CNTNAP5: variants seen among roughly 807,000 people sequenced by gnomAD.
The protein encoded by CNTNAP5 is contactin-associated protein-like 5.
CNTNAP5 carries 72 observed loss-of-function variants against 150.2 expected under a neutral mutation model. The ratio of observed to expected loss-of-function variants is 0.48; its 90% CI spans 0.40 to 0.58. The LOEUF (loss-of-function observed/expected upper bound fraction) is 0.58. Among genes scored for constraint, CNTNAP5 ranks in the 20% least tolerant of loss-of-function variants. The pLI, the probability that CNTNAP5 is intolerant of heterozygous loss-of-function variation, is 0.00. For missense variants in CNTNAP5, 1,636 were observed against 1,626.2 expected (o/e 1.01, Z -0.10); for synonymous variants, 672 against 619.8 (o/e 1.08, Z -1.25).
At chr2:124,161,565 AT>A (rs1417805013) in intron 1 of CNTNAP5, among the ~76,000 whole-genome samples, 1 of 152,198 alleles carries the variant, frequency 6.6e-6, no homozygotes, top group African/African-American at 2.4e-5. Context: ...TTCAAAATGT[AT>A]TAAGTATGTG....
intron 3 of CNTNAP5, among the ~76,000 whole-genome samples, chr2:124,379,626 G>GT (rs910922857): frequency 1.3e-5 from 2 of 152,100 alleles, no homozygotes; most frequent in Non-Finnish European, 2.9e-5. Context: ...CTGTGTGCAA[G>GT]TTTTTTGTGT....
chr2:124,417,201 G>C (rs1472197454), intron 3 of CNTNAP5, among the ~76,000 whole-genome samples: 2 of 151,994 alleles, frequency 1.3e-5, no homozygotes, highest in African/African-American at 4.8e-5. Context: ...GCCTCCCAAA[G>C]TGCTGGGATT....
chr2:124,163,701 A>G (rs1278718662), intron 1 of CNTNAP5, among the ~76,000 whole-genome samples: 2 of 152,124 alleles, frequency 1.3e-5, no homozygotes, highest in African/African-American at 2.4e-5. Flanking sequence ...GACAGCCCTT[A>G]AGATTATATG....
chr2:124,554,174 C>A (rs757736704), intron 10 of CNTNAP5, among the ~76,000 whole-genome samples: 16 of 151,750 alleles, frequency 1.1e-4, no homozygotes, highest in Admixed American at 3.3e-4. Flanking sequence ...GTCTAAGGGA[C>A]CTTTGGAAAT....
chr2:124,723,039 A>G (rs2105118222), intron 13 of CNTNAP5, among the ~76,000 whole-genome samples: 1 of 152,268 alleles, frequency 6.6e-6, no homozygotes, highest in Middle Eastern at 3.4e-3. Context: ...TTTTCCAGCC[A>G]TACTTACTGT....
rs549300992 is a variant in CNTNAP5 at position 124,237,116 on chromosome 2, C to T, written c.188-5084C>T. Among the ~76,000 whole-genome samples, 18 of 151,942 alleles carry T rather than the reference C, an allele frequency of 1.2e-4. No individual in the cohort carries two copies. In the South Asian group the frequency reaches 2.3e-3, roughly 19 times the overall value. ...TGCACTCCAGCCTGGGTGACAGGAG[C>T]GAGACTCTGTCAAAAGAAAAAAGAA... On this transcript the variant is annotated intron_variant, in intron 2 of 23. Transcript: ENST00000682447.
At chr2:124,797,255 TC>T (rs1214948353) in intron 18 of CNTNAP5, among the ~76,000 whole-genome samples, 1 of 152,184 alleles carries the variant, frequency 6.6e-6, no homozygotes, top group Non-Finnish European at 1.5e-5. Flanking sequence ...CAGTGCTAGT[TC>T]CACTACACTA....
intron 11 of CNTNAP5, among the ~76,000 whole-genome samples, chr2:124,579,269 C>G (rs1696359420): frequency 6.6e-6 from 1 of 152,110 alleles, no homozygotes; most frequent in African/African-American, 2.4e-5. Context: ...ATGATAGGCT[C>G]TATAGTAGAT....
At position 124,816,295 on chromosome 2, in the gene CNTNAP5, T is replaced by G. The variant is rs533459155; in HGVS notation, c.3217+17975T>G. ...TCAAGGTATCAGCTGGGATGTGGTCTCATCAGAGGCTCCCCTGGGAAAAGT... is the reference window on the plus strand; with the variant it reads ...TCAAGGTATCAGCTGGGATGTGGTCGCATCAGAGGCTCCCCTGGGAAAAGT... On this transcript the variant is annotated intron_variant, in intron 19 of 23. Coordinates refer to ENST00000682447, the MANE Select transcript of CNTNAP5 (RefSeq NM_001367498.1). Among the ~76,000 whole-genome samples the G allele has an allele frequency of 7.2e-5, 11 of 152,224 alleles. No individual in the cohort carries two copies. The East Asian group carries it at 1.5e-3, about 21-fold the overall frequency.
intron 13 of CNTNAP5, among the ~76,000 whole-genome samples, chr2:124,665,720 A>G (rs1678685472): frequency 6.6e-6 from 1 of 151,900 alleles, no homozygotes. Context: ...CCCCGTCTCT[A>G]CTAAAAATAC....
At chr2:124,575,588 C>T (rs34283512) in intron 11 of CNTNAP5, among the ~76,000 whole-genome samples, 20,105 of 152,164 alleles carry the variant, frequency 0.13, 1,641 homozygotes, top group East Asian at 0.28. Flanking sequence ...TTCTTCCTGA[C>T]TTGTTTTCCA....
At chr2:124,693,374 T>C (rs1462395088) in intron 13 of CNTNAP5, among the ~76,000 whole-genome samples, 1 of 152,166 alleles carries the variant, frequency 6.6e-6, no homozygotes, top group Non-Finnish European at 1.5e-5. Context: ...AATCACCATT[T>C]GTTTGGGAAC....
chr2:124,865,542 T>G (rs1677613628), intron 20 of CNTNAP5, 106 bp downstream of exon 20: 1 of 1,052,048 alleles, frequency 9.5e-7, no homozygotes, highest in Non-Finnish European at 1.4e-6. Context: ...GCTGGAAACA[T>G]AGTTACAAAT....
Position 124,206,113 on chromosome 2 carries a change from G to A in CNTNAP5, c.83-15592G>A, listed in dbSNP as rs994535756. ...CAGATGAATAGAATGGATCAACCAA[G>A]TGTTCTGGGCCCATTCTGCTGGATA... is the stretch of plus-strand genomic sequence containing the variant. On this transcript the variant is annotated intron_variant, in intron 1 of 23. Transcript: ENST00000682447. 7.9e-5 allele frequency among the ~76,000 whole-genome samples: 12 copies of A among 152,214 alleles called. 1 individual carries two copies. Among genetic ancestry groups the A allele is most frequent in the Non-Finnish European group, 1.0e-4 (7 of 68,040 alleles).
At chr2:124,821,478 G>C (rs1315594193) in intron 19 of CNTNAP5, among the ~76,000 whole-genome samples, 4 of 152,260 alleles carry the variant, frequency 2.6e-5, no homozygotes, top group South Asian at 2.1e-4. Flanking sequence ...TTTTAAAAAA[G>C]TTTTCTTTTT....
intron 13 of CNTNAP5, among the ~76,000 whole-genome samples, chr2:124,663,605 AAGAG>A (rs1354802933): frequency 6.6e-6 from 1 of 152,104 alleles, no homozygotes; most frequent in Non-Finnish European, 1.5e-5. Context: ...GCTAGGGAGA[AAGAG>A]AGAGAGGAAA....
At chr2:124,681,548 T>C (rs1322274253) in intron 13 of CNTNAP5, among the ~76,000 whole-genome samples, 1 of 152,048 alleles carries the variant, frequency 6.6e-6, no homozygotes, top group Non-Finnish European at 1.5e-5. Context: ...CTCTTATTTG[T>C]TTTTATTTTT....
chr2:124,843,741 A>G (rs80270653), intron 19 of CNTNAP5, among the ~76,000 whole-genome samples: 1 of 152,122 alleles, frequency 6.6e-6, no homozygotes, highest in Non-Finnish European at 1.5e-5. Flanking sequence ...TTTGATTTAC[A>G]TTTCCCTGAT....
chr2:124,030,930 G>T (rs72845439), intron 1 of CNTNAP5, among the ~76,000 whole-genome samples: 12 of 152,132 alleles, frequency 7.9e-5, no homozygotes, highest in African/African-American at 2.9e-4. Context: ...TAGTAGTTAT[G>T]AATTCCTTGT....
Sources: allele counts gnomAD v4.1 joint callset (sites outside exome capture counted in the v4.1 genomes callset), GRCh38; gene constraint gnomAD v4.1.1; transcripts MANE v1.5; gene names NCBI Gene and HGNC (gene_info 2026-07-23, HGNC 2026-07-21).